The following SAMMSON variants were observed in gnomAD, a reference collection of about 807,000 sequenced individuals.
The protein encoded by SAMMSON is long intergenic non-protein coding RNA 1212.
At chr3:70,365,292 T>C (rs1263705184) in intron 9 of SAMMSON, among the ~76,000 whole-genome samples, 1 of 151,268 alleles carries the variant, frequency 6.6e-6, no homozygotes, top group Admixed American at 6.6e-5. Context: ...GTATTTCTCA[T>C]TGCCATTGGA....
At chr3:70,413,070 C>T (rs1262285929) in intron 2 of SAMMSON, among the ~76,000 whole-genome samples, 5 of 152,024 alleles carry the variant, frequency 3.3e-5, no homozygotes, top group Admixed American at 1.3e-4. Context: ...GTCTTAAAAC[C>T]TGTATTTCCT....
intron 3 of SAMMSON, among the ~76,000 whole-genome samples, chr3:70,045,729 T>C (rs2067124382): frequency 6.6e-6 from 1 of 151,910 alleles, no homozygotes; most frequent in African/African-American, 2.4e-5. Flanking sequence ...ATATATTGTT[T>C]GTGAAATATT....
intron 6 of SAMMSON, among the ~76,000 whole-genome samples, chr3:70,267,569 A>ATTTTTGTT (rs1559549233): frequency 3.3e-5 from 1 of 30,730 alleles, no homozygotes; most frequent in Non-Finnish European, 8.1e-5. Flanking sequence ...TGCCCGGCTA[A>ATTTTTGTT]TTTTTTGTAT....
chr3:70,156,562 C>T (rs771241793), intron 4 of SAMMSON, among the ~76,000 whole-genome samples: 12 of 151,564 alleles, frequency 7.9e-5, no homozygotes, highest in Admixed American at 2.6e-4. Context: ...TCAAAAGTGA[C>T]GAATAATGGA....
chr3:70,430,372 T>C (rs773038595), intron 2 of SAMMSON, among the ~76,000 whole-genome samples: 2 of 152,168 alleles, frequency 1.3e-5, no homozygotes, highest in Non-Finnish European at 2.9e-5. Flanking sequence ...GGTATGCCAC[T>C]ATCATCACAA....
At chr3:70,129,438 G>C (rs949173974) in intron 4 of SAMMSON, among the ~76,000 whole-genome samples, 1 of 152,184 alleles carries the variant, frequency 6.6e-6, no homozygotes, top group South Asian at 2.1e-4. Flanking sequence ...GAAAACATTC[G>C]AGTATCTTTT....
intron 4 of SAMMSON, among the ~76,000 whole-genome samples, chr3:70,238,500 C>T (rs557425598): frequency 7.2e-5 from 11 of 151,902 alleles, no homozygotes; most frequent in Admixed American, 2.0e-4. Context: ...GTGGTCTCAG[C>T]TACTTGGAAA....
intron 3 of SAMMSON, among the ~76,000 whole-genome samples, chr3:70,045,698 T>C (rs963801165): frequency 6.6e-6 from 1 of 152,050 alleles, no homozygotes; most frequent in Non-Finnish European, 1.5e-5. Context: ...AAATTGCATA[T>C]ATTAAATGCA....
At chr3:70,311,651 A>G (rs1017055244) in intron 7 of SAMMSON, among the ~76,000 whole-genome samples, 10 of 152,212 alleles carry the variant, frequency 6.6e-5, no homozygotes, top group African/African-American at 2.4e-4. Context: ...TCTTACCAAC[A>G]AAGTAATCTA....
At chr3:70,226,737 TAAA>T (rs369777217) in intron 4 of SAMMSON, among the ~76,000 whole-genome samples, 7 of 121,406 alleles carry the variant, frequency 5.8e-5, no homozygotes, top group African/African-American at 2.2e-4. Context: ...GACTCTGTCT[TAAA>T]AAAAAAAAAA....
chr3:70,425,336 A>T (rs1027422896), intron 2 of SAMMSON: 2 of 152,118 alleles, frequency 1.3e-5, no homozygotes, highest in Non-Finnish European at 2.9e-5. Flanking sequence ...TCTGCCTTCA[A>T]ATTTTGCAAA....
At chr3:70,429,723 G>A (rs1415273531) in intron 2 of SAMMSON, among the ~76,000 whole-genome samples, 2 of 152,058 alleles carry the variant, frequency 1.3e-5, no homozygotes, top group African/African-American at 4.8e-5. Context: ...TATTCTCTTT[G>A]TAGCAATTGT....
At chr3:70,301,907 G>A (rs1156613480) in intron 7 of SAMMSON, among the ~76,000 whole-genome samples, 2 of 152,100 alleles carry the variant, frequency 1.3e-5, no homozygotes, top group Non-Finnish European at 2.9e-5. Context: ...TGAAAGAGGA[G>A]TTAAAATGCA....
intron 9 of SAMMSON, among the ~76,000 whole-genome samples, chr3:70,370,173 A>G (rs1702955035): frequency 6.6e-6 from 1 of 151,800 alleles, no homozygotes; most frequent in African/African-American, 2.4e-5. Context: ...ATAGTATTCC[A>G]CCGTATATAT....
rs1036320032 is a variant in SAMMSON at position 70,375,194 on chromosome 3, C to T, written n.914-14380C>T. Among the ~76,000 whole-genome samples, 21 of 152,194 alleles carry T rather than the reference C, an allele frequency of 1.4e-4. 1 individual carries two copies. Among genetic ancestry groups the T allele is most frequent in the African/African-American group, 4.3e-4 (18 of 41,532 alleles). Reference sequence around the variant, plus strand: ...TATTCTTGACTCAATTCATTCACATCGCATTTTATCTCTTTATTTCTCTGT... The same window carrying T: ...TATTCTTGACTCAATTCATTCACATTGCATTTTATCTCTTTATTTCTCTGT... On this transcript the variant is annotated intron_variant and non_coding_transcript_variant, in intron 9 of 9. Coordinates refer to ENST00000642114, the Ensembl canonical transcript of SAMMSON.
At chr3:70,215,426 A>T (rs1701399587) in intron 4 of SAMMSON, among the ~76,000 whole-genome samples, 1 of 152,122 alleles carries the variant, frequency 6.6e-6, no homozygotes, top group Admixed American at 6.6e-5. Flanking sequence ...TCTCCAGGTT[A>T]ATTGATCCTG....
intron 4 of SAMMSON, among the ~76,000 whole-genome samples, chr3:70,093,421 C>T (rs1375918273): frequency 2.0e-5 from 3 of 152,144 alleles, no homozygotes; most frequent in South Asian, 2.1e-4. Flanking sequence ...CTTAGATTGT[C>T]AATGGCTTGG....
chr3:70,022,018 A>G (rs542728169), intron 3 of SAMMSON, among the ~76,000 whole-genome samples: 1 of 152,260 alleles, frequency 6.6e-6, no homozygotes, highest in African/African-American at 2.4e-5. Flanking sequence ...GCGGTAGGTG[A>G]CAGCGTTTCA....
chr3:70,431,550 G>A (rs1438947692), intron 2 of SAMMSON, among the ~76,000 whole-genome samples: 1 of 152,044 alleles, frequency 6.6e-6, no homozygotes, highest in Admixed American at 6.5e-5. Context: ...TCATTGTACA[G>A]TAGAGTACAT....
Sources: gnomAD v4.1 joint callset for allele counts (sites outside exome capture counted in the v4.1 genomes callset) on GRCh38, gnomAD v4.1.1 for gene constraint, MANE v1.5 for transcripts, NCBI Gene and HGNC (gene_info 2026-07-23, HGNC 2026-07-21) for gene names.